The following SLC35F1 variants were observed in gnomAD, a reference collection of about 807,000 sequenced individuals.
The protein encoded by SLC35F1 is chromosome 6 open reading frame 169.
SLC35F1 carries 14 observed loss-of-function variants against 48.7 expected under a neutral mutation model. The observed-to-expected ratio is 0.29, with a 90% CI of 0.19 to 0.45. The LOEUF is 0.45. SLC35F1 is among the 20% of genes least tolerant of loss of function. SLC35F1 has a pLI of 1.00. For synonymous variants in SLC35F1, 190 were observed against 202.2 expected (o/e 0.94, Z 0.51); for missense variants, 404 against 500.0 (o/e 0.81, Z 1.83).
Position 117,927,589 on chromosome 6 carries a change from C to A in SLC35F1, c.173+19690C>A, listed in dbSNP as rs544565376. Among the ~76,000 whole-genome samples the A allele has an allele frequency of 1.3e-4, 20 of 152,300 alleles. No homozygotes were observed. In the East Asian group the frequency reaches 3.9e-3, roughly 29 times the overall value. Reference sequence around the variant, plus strand: ...GTGCTTTTGCAGTGAGAACATTCTGCAGAGACACACCTGGAAGCTGATGAA... The same window carrying A: ...GTGCTTTTGCAGTGAGAACATTCTGAAGAGACACACCTGGAAGCTGATGAA... On this transcript the variant is annotated intron_variant, in intron 1 of 7. Coordinates refer to ENST00000360388, the MANE Select transcript of SLC35F1 (RefSeq NM_001029858.4).
At chr6:118,130,906 T>C (rs1416979346) in intron 1 of SLC35F1, among the ~76,000 whole-genome samples, 1 of 152,206 alleles carries the variant, frequency 6.6e-6, no homozygotes, top group African/African-American at 2.4e-5. Flanking sequence ...TTTATAAATA[T>C]TTTATGTTGT....
At chr6:118,203,096 C>T (rs1438221701) in intron 2 of SLC35F1, among the ~76,000 whole-genome samples, 1 of 152,242 alleles carries the variant, frequency 6.6e-6, no homozygotes, top group African/African-American at 2.4e-5. Context: ...AACTCAGCTG[C>T]TCTCACACAG....
At chr6:118,145,509 CTT>C (rs1773958292) in intron 1 of SLC35F1, among the ~76,000 whole-genome samples, 1 of 152,166 alleles carries the variant, frequency 6.6e-6, no homozygotes. Context: ...TAAAACTTCT[CTT>C]ATTTTTAATC....
intron 2 of SLC35F1, among the ~76,000 whole-genome samples, chr6:118,216,432 A>C (rs1418632350): frequency 6.8e-6 from 1 of 147,772 alleles, no homozygotes; most frequent in Non-Finnish European, 1.5e-5. Context: ...GAGGCAAAGA[A>C]GATAAGTTCC....
intron 1 of SLC35F1, among the ~76,000 whole-genome samples, chr6:118,036,506 A>G (rs1365378665): frequency 6.6e-6 from 1 of 152,150 alleles, no homozygotes; most frequent in Non-Finnish European, 1.5e-5. Flanking sequence ...TATTCTATAA[A>G]TGTCAATTAG....
At chr6:118,134,795 G>T (rs557394637) in intron 1 of SLC35F1, among the ~76,000 whole-genome samples, 1 of 152,246 alleles carries the variant, frequency 6.6e-6, no homozygotes, top group Admixed American at 6.5e-5. Flanking sequence ...GACTTGTGCC[G>T]TTTTAGAGAT....
At chr6:118,236,024 A>AAG (rs753501861) in intron 3 of SLC35F1, among the ~76,000 whole-genome samples, 12 of 152,226 alleles carry the variant, frequency 7.9e-5, no homozygotes, top group Non-Finnish European at 1.8e-4. Context: ...ATCAATTTTA[A>AAG]TCACAACTTA....
At chr6:118,172,680 C>A (rs560558160) in intron 2 of SLC35F1, among the ~76,000 whole-genome samples, 11 of 152,120 alleles carry the variant, frequency 7.2e-5, no homozygotes, top group African/African-American at 2.6e-4. Context: ...ATGGGGATAT[C>A]TGTCAAATAA....
At chr6:118,284,307 C>T (rs966118458) in intron 6 of SLC35F1, among the ~76,000 whole-genome samples, 2 of 152,040 alleles carry the variant, frequency 1.3e-5, no homozygotes, top group African/African-American at 4.8e-5. Flanking sequence ...AGCACTTATG[C>T]TTATCCTATG....
intron 1 of SLC35F1, among the ~76,000 whole-genome samples, chr6:118,030,640 G>A (rs1772031803): frequency 6.6e-6 from 1 of 152,098 alleles, no homozygotes; most frequent in Non-Finnish European, 1.5e-5. Context: ...GGAGAGAGGA[G>A]ATGGAAAACA....
chr6:118,064,323 A>G (rs991901500), intron 1 of SLC35F1, among the ~76,000 whole-genome samples: 4 of 152,190 alleles, frequency 2.6e-5, no homozygotes, highest in Non-Finnish European at 5.9e-5. Flanking sequence ...TGACAAACTG[A>G]TAGTCTTAGT....
chr6:117,987,617 C>G (rs1245674920), intron 1 of SLC35F1, among the ~76,000 whole-genome samples: 6 of 152,096 alleles, frequency 3.9e-5, no homozygotes, highest in African/African-American at 1.4e-4. Flanking sequence ...ATCAAAAAGC[C>G]TGGTGATTAC....
intron 1 of SLC35F1, among the ~76,000 whole-genome samples, chr6:117,923,224 T>C (rs538913728): frequency 2.3e-4 from 35 of 152,246 alleles, no homozygotes; most frequent in African/African-American, 7.5e-4. Context: ...AGCATATGTA[T>C]AGTCTTTCTT....
At chr6:117,931,093 A>G (rs1776095582) in intron 1 of SLC35F1, among the ~76,000 whole-genome samples, 1 of 152,128 alleles carries the variant, frequency 6.6e-6, no homozygotes, top group South Asian at 2.1e-4. Context: ...TTCAGTAGAC[A>G]TTACGTGTTA....
intron 2 of SLC35F1, among the ~76,000 whole-genome samples, chr6:118,173,697 C>A (rs1252696770): frequency 1.9e-4 from 29 of 152,158 alleles, no homozygotes; most frequent in Admixed American, 1.8e-3. Flanking sequence ...ATACACCAGA[C>A]TTTCAGCTGC....
chr6:118,259,548 A>G lies in SLC35F1; in HGVS notation c.478-7447A>G, dbSNP rs563281912. ...AAAAATATTGACAAATACCTCATTT[A>G]AAAATGGGCAAATAATTTGAATAGA... On this transcript the variant is annotated intron_variant, in intron 3 of 7. Transcript: ENST00000360388. 9.2e-5 allele frequency among the ~76,000 whole-genome samples: 14 copies of G among 152,242 alleles called. No homozygotes were observed. In the East Asian group the frequency reaches 2.7e-3, roughly 29 times the overall value.
intron 1 of SLC35F1, among the ~76,000 whole-genome samples, chr6:117,971,448 G>A (rs534946877): frequency 6.6e-6 from 1 of 152,334 alleles, no homozygotes; most frequent in South Asian, 2.1e-4. Flanking sequence ...GGCATCTGGA[G>A]GATGGTGGCT....
At chr6:118,286,071 A>G (rs928439115) in intron 7 of SLC35F1, among the ~76,000 whole-genome samples, 2 of 152,210 alleles carry the variant, frequency 1.3e-5, no homozygotes, top group African/African-American at 4.8e-5. Flanking sequence ...TAGAATTGAC[A>G]TATGAGAAGA....
chr6:118,293,782 G>C (rs1390518951), intron 7 of SLC35F1, among the ~76,000 whole-genome samples: 4 of 152,336 alleles, frequency 2.6e-5, no homozygotes, highest in African/African-American at 9.6e-5. Flanking sequence ...AGTAGTTCAG[G>C]TATCTTGCTA....
Sources: gnomAD v4.1 joint callset for allele counts (sites outside exome capture counted in the v4.1 genomes callset) on GRCh38, gnomAD v4.1.1 for gene constraint, MANE v1.5 for transcripts, NCBI Gene and HGNC (gene_info 2026-07-23, HGNC 2026-07-21) for gene names.